Variants in KCNIP4 observed in about 807,000 individuals in gnomAD.
The protein encoded by KCNIP4 is potassium voltage-gated channel interacting protein 4, also known as Kv channel-interacting protein 4.
KCNIP4 carries 12 observed loss-of-function variants against 34.0 expected under a neutral mutation model. That is an observed-to-expected ratio of 0.35 (90% CI 0.23 to 0.57). The LOEUF is 0.57. Ranked by LOEUF, KCNIP4 falls within the 20% of genes least tolerant of loss-of-function variation. The probability of loss-of-function intolerance (pLI) is 0.83; values close to 1 mark genes in which losing one functional copy is unlikely to be tolerated. For synonymous variants in KCNIP4, 124 were observed against 102.2 expected (o/e 1.21, Z -1.29); for missense variants, 238 against 311.7 (o/e 0.76, Z 1.78).
chr4:21,154,890 T>C (rs1046045092), intron 1 of KCNIP4, among the ~76,000 whole-genome samples: 2 of 152,176 alleles, frequency 1.3e-5, no homozygotes, highest in African/African-American at 2.4e-5. Context: ...AACTTGTGAG[T>C]AAAAGCTATG....
intron 1 of KCNIP4, among the ~76,000 whole-genome samples, chr4:21,461,040 T>A (rs975360470): frequency 2.0e-5 from 3 of 152,110 alleles, no homozygotes; most frequent in Non-Finnish European, 4.4e-5. Flanking sequence ...TTTGGCTCTG[T>A]GTCTGCACCC....
intron 1 of KCNIP4, among the ~76,000 whole-genome samples, chr4:21,167,840 C>T (rs2109287003): frequency 6.6e-6 from 1 of 152,280 alleles, no homozygotes; most frequent in Admixed American, 6.5e-5. Flanking sequence ...GATGAACTGC[C>T]ATTTCTAATC....
intron 1 of KCNIP4, among the ~76,000 whole-genome samples, chr4:21,454,490 A>T (rs933030209): frequency 1.3e-5 from 2 of 152,150 alleles, no homozygotes; most frequent in Non-Finnish European, 2.9e-5. Context: ...CTGATTCATC[A>T]TCTTGACTCC....
At chr4:21,708,972 T>C (rs1479140359) in intron 1 of KCNIP4, among the ~76,000 whole-genome samples, 1 of 152,170 alleles carries the variant, frequency 6.6e-6, no homozygotes. Flanking sequence ...CTTCCTTTAT[T>C]AATTTTTCTG....
chr4:21,126,156 C>A (rs916451429), intron 1 of KCNIP4, among the ~76,000 whole-genome samples: 1 of 151,994 alleles, frequency 6.6e-6, no homozygotes, highest in Admixed American at 6.6e-5. Flanking sequence ...AGTATAAACA[C>A]AACGTCAAAG....
rs73256522 is a variant in KCNIP4 at position 21,693,717 on chromosome 4, C to T, written c.61+254854G>A. On this transcript the variant is annotated intron_variant, in intron 1 of 8. Transcript: ENST00000382152. ...ATGTGCATCATCTCTCCCTCTCATC[C>T]GTTAATCTAAAGCTCTCTACTTGAT... 4.7e-3 allele frequency among the ~76,000 whole-genome samples: 709 copies of T among 152,282 alleles called. 2 individuals are homozygous for T. The highest frequency in any genetic ancestry group is 7.1e-3 in the Non-Finnish European group (485 of 68,032).
chr4:21,799,981 C>T lies in KCNIP4; in HGVS notation c.61+148590G>A, dbSNP rs1720885287. On this transcript the variant is annotated intron_variant, in intron 1 of 8. Transcript: ENST00000382152. ...AAAGTTTAAAATTTCTACCATGGAGCCCACTATAGAAAATGTTTGCCAACC... is the reference window on the plus strand; with the variant it reads ...AAAGTTTAAAATTTCTACCATGGAGTCCACTATAGAAAATGTTTGCCAACC... Among the ~76,000 whole-genome samples the T allele has an allele frequency of 2.0e-5, 3 of 152,238 alleles. No individual in the cohort carries two copies. The South Asian group carries it at 6.2e-4, about 32-fold the overall frequency.
intron 1 of KCNIP4, among the ~76,000 whole-genome samples, chr4:21,285,850 A>G (rs1412832246): frequency 1.3e-5 from 2 of 152,186 alleles, no homozygotes; most frequent in Non-Finnish European, 2.9e-5. Flanking sequence ...CAAATAAAAT[A>G]AAATAAACAT....
At position 21,043,509 on chromosome 4, in the gene KCNIP4, T is replaced by TG. The variant is rs546005152; in HGVS notation, c.62-160801_62-160800insC. On this transcript the variant is annotated intron_variant, in intron 1 of 8. Transcript: ENST00000382152. ...CATGCCCAGCTAATTTTTTTTTTTT[T>TG]TGTATTTTTAGTAAAGGTGGGATTT... Among the ~76,000 whole-genome samples, 5 of 151,872 alleles carry TG rather than the reference T, an allele frequency of 3.3e-5. No homozygotes were observed. In the South Asian group the frequency reaches 1.0e-3, roughly 32 times the overall value.
intron 1 of KCNIP4, among the ~76,000 whole-genome samples, chr4:21,292,957 G>C (rs1763618559): frequency 6.6e-6 from 1 of 152,140 alleles, no homozygotes; most frequent in Non-Finnish European, 1.5e-5. Flanking sequence ...ATGAATGGAT[G>C]AATGAATGAA....
At chr4:21,917,156 A>G (rs1313381480) in intron 1 of KCNIP4, among the ~76,000 whole-genome samples, 3 of 152,058 alleles carry the variant, frequency 2.0e-5, no homozygotes, top group Admixed American at 6.6e-5. Context: ...TTTGTTTGAG[A>G]CAGAGTCTCG....
At position 20,850,596 on chromosome 4, in the gene KCNIP4, G is replaced by C; in HGVS notation, c.235C>G (p.Gln79Glu). 1.2e-6 allele frequency: 2 copies of C among 1,612,816 alleles called. No individual in the cohort carries two copies. The highest frequency in any genetic ancestry group is 1.7e-6 in the Non-Finnish European group (2 of 1,179,708). The change falls in exon 3 of 9, where the codon CAG becomes GAG. Residue 79 changes from glutamine (Q) to glutamate (E), a missense_variant. Gln to Glu is a conservative substitution (Grantham distance 29). Coordinates refer to ENST00000382152, the MANE Select transcript of KCNIP4 (RefSeq NM_025221.6). ...AGCTCTTTCTTGGTAAATTTGCTCT[G>C]GGCTTCCAGAAGCTCAAGGGCTTCA... ...RPEALELLEA[Q>E]SKFTKKELQI...
chr4:21,661,443 A>G (rs1748444766), intron 1 of KCNIP4, among the ~76,000 whole-genome samples: 1 of 152,084 alleles, frequency 6.6e-6, no homozygotes, highest in African/African-American at 2.4e-5. Flanking sequence ...TCTGGAGCCC[A>G]AAAGTGCTCA....
At chr4:21,734,350 C>T (rs1197937059) in intron 1 of KCNIP4, among the ~76,000 whole-genome samples, 1 of 152,046 alleles carries the variant, frequency 6.6e-6, no homozygotes, top group East Asian at 1.9e-4. Flanking sequence ...TTTAATAAAG[C>T]TAAAAAATGT....
At chr4:21,473,768 C>A (rs1358804539) in intron 1 of KCNIP4, among the ~76,000 whole-genome samples, 1 of 149,998 alleles carries the variant, frequency 6.7e-6, no homozygotes, top group African/African-American at 2.5e-5. Flanking sequence ...GGCTGAAGTG[C>A]AGTGGCGCAG....
chr4:21,719,586 T>C (rs1847426), intron 1 of KCNIP4, among the ~76,000 whole-genome samples: 13,950 of 152,220 alleles, frequency 0.092, 672 homozygotes, highest in Middle Eastern at 0.18. Context: ...TAGAAATCCA[T>C]TGTGTGGTTC....
intron 1 of KCNIP4, among the ~76,000 whole-genome samples, chr4:21,679,966 C>T (rs537076667): frequency 3.1e-4 from 47 of 152,298 alleles, no homozygotes; most frequent in African/African-American, 1.0e-3. Context: ...CTGATCAGGA[C>T]GGTGGCTGCT....
At chr4:21,229,176 G>A (rs1428189051) in intron 1 of KCNIP4, among the ~76,000 whole-genome samples, 1 of 152,028 alleles carries the variant, frequency 6.6e-6, no homozygotes, top group East Asian at 1.9e-4. Flanking sequence ...ATTTCCCAGT[G>A]CCCTGACTTG....
intron 1 of KCNIP4, among the ~76,000 whole-genome samples, chr4:21,259,664 C>A (rs559060704): frequency 2.0e-5 from 3 of 152,116 alleles, no homozygotes; most frequent in Non-Finnish European, 4.4e-5. Flanking sequence ...AAAAGCATTA[C>A]CTTTTCTAAA....
Sources: gnomAD v4.1 joint callset for allele counts (sites outside exome capture counted in the v4.1 genomes callset) on GRCh38, gnomAD v4.1.1 for gene constraint, MANE v1.5 for transcripts, NCBI Gene and HGNC (gene_info 2026-07-23, HGNC 2026-07-21) for gene names.